The following UBE2E2 variants were observed in gnomAD, a reference collection of about 807,000 sequenced individuals.
UBE2E2 encodes ubiquitin-conjugating enzyme E2 E2.
A neutral mutation model predicts 24.7 loss-of-function variants in UBE2E2; 6 were observed. That is an observed-to-expected ratio of 0.24 (90% CI 0.13 to 0.48). The LOEUF is 0.48. UBE2E2 is among the 20% of genes least tolerant of loss of function. UBE2E2 has a pLI of 0.99. For missense variants in UBE2E2, 169 were observed against 245.0 expected (o/e 0.69, Z 2.07); for synonymous variants, 104 against 83.6 (o/e 1.24, Z -1.33).
chr3:23,248,438 T>C (rs1465732418), intron 3 of UBE2E2, among the ~76,000 whole-genome samples: 4 of 152,250 alleles, frequency 2.6e-5, no homozygotes, highest in Admixed American at 2.6e-4. Flanking sequence ...CACAAAAAAC[T>C]GAGTTCTGCT....
chr3:23,293,432 G>C (rs1698824505), intron 3 of UBE2E2, among the ~76,000 whole-genome samples: 1 of 152,178 alleles, frequency 6.6e-6, no homozygotes, highest in African/African-American at 2.4e-5. Flanking sequence ...GCATAATATT[G>C]TGTCTGGCAT....
chr3:23,449,329 T>C (rs1237275144), intron 3 of UBE2E2, among the ~76,000 whole-genome samples: 1 of 152,216 alleles, frequency 6.6e-6, no homozygotes, highest in Non-Finnish European at 1.5e-5. Context: ...AAACAACAGA[T>C]CTTTGTTTCC....
At chr3:23,447,883 TTTA>T (rs1343787536) in intron 3 of UBE2E2, among the ~76,000 whole-genome samples, 1 of 152,218 alleles carries the variant, frequency 6.6e-6, no homozygotes, top group Admixed American at 6.5e-5. Context: ...CTTCAGAGCC[TTTA>T]TTAACATTCA....
intron 3 of UBE2E2, among the ~76,000 whole-genome samples, chr3:23,255,243 C>A (rs1450676064): frequency 6.6e-6 from 1 of 151,136 alleles, no homozygotes; most frequent in African/African-American, 2.4e-5. Flanking sequence ...ACCACTGTGC[C>A]CCGCTAATTT....
intron 3 of UBE2E2, among the ~76,000 whole-genome samples, chr3:23,246,782 G>A (rs1262960640): frequency 6.6e-6 from 1 of 152,172 alleles, no homozygotes; most frequent in Non-Finnish European, 1.5e-5. Flanking sequence ...GAATATGTGT[G>A]TCTTCCCCAA....
intron 3 of UBE2E2, among the ~76,000 whole-genome samples, chr3:23,369,010 G>C (rs114998255): frequency 1.3e-5 from 2 of 152,124 alleles, no homozygotes; most frequent in African/African-American, 2.4e-5. Context: ...TGAAATGAAC[G>C]AAATTTAGAT....
chr3:23,385,774 T>G (rs148713279), intron 3 of UBE2E2, among the ~76,000 whole-genome samples: 2 of 152,346 alleles, frequency 1.3e-5, no homozygotes, highest in East Asian at 3.9e-4. Flanking sequence ...TTGTACTGGC[T>G]TCTCACAGAT....
intron 3 of UBE2E2, among the ~76,000 whole-genome samples, chr3:23,419,381 G>A (rs951515327): frequency 6.6e-6 from 1 of 152,122 alleles, no homozygotes; most frequent in Non-Finnish European, 1.5e-5. Context: ...CCCTCAATGT[G>A]TACTCTTTGG....
intron 3 of UBE2E2, among the ~76,000 whole-genome samples, chr3:23,450,106 A>G (rs979575823): frequency 6.6e-6 from 1 of 152,224 alleles, no homozygotes; most frequent in Non-Finnish European, 1.5e-5. Flanking sequence ...ATTTCAGAAA[A>G]TGAGATAAAA....
At chr3:23,396,663 C>A (rs1697086152) in intron 3 of UBE2E2, among the ~76,000 whole-genome samples, 1 of 152,008 alleles carries the variant, frequency 6.6e-6, no homozygotes, top group Admixed American at 6.6e-5. Flanking sequence ...GTTACTTAAC[C>A]TTTCTGTCTC....
rs117531550 is a variant in UBE2E2 at position 23,475,788 on chromosome 3, C to A, written c.228-23820C>A. Among the ~76,000 whole-genome samples the A allele has an allele frequency of 1.2e-4, 19 of 152,124 alleles. No individual in the cohort carries two copies. In the East Asian group the frequency reaches 3.3e-3, roughly 26 times the overall value. ...AAAGGGTTTACAGGCTCTATAGAAA[C>A]AATTTAAGACAACCCACCAGAACAG... is the stretch of plus-strand genomic sequence containing the variant. On this transcript the variant is annotated intron_variant, in intron 3 of 5. Coordinates refer to ENST00000396703, the MANE Select transcript of UBE2E2 (RefSeq NM_152653.4).
At chr3:23,535,618 C>CTTT (rs67901258) in intron 5 of UBE2E2, among the ~76,000 whole-genome samples, 1,062 of 85,998 alleles carry the variant, frequency 0.012, 9 homozygotes, top group East Asian at 0.014. Flanking sequence ...ATAGAGCATT[C>CTTT]TTTTTTTTTT....
intron 4 of UBE2E2, among the ~76,000 whole-genome samples, chr3:23,512,713 G>A (rs373942044): frequency 6.6e-6 from 1 of 152,162 alleles, no homozygotes; most frequent in Non-Finnish European, 1.5e-5. Context: ...AGGAGGCCAA[G>A]ACGGCCAGAT....
At chr3:23,352,101 A>C (rs1008550765) in intron 3 of UBE2E2, among the ~76,000 whole-genome samples, 2 of 152,230 alleles carry the variant, frequency 1.3e-5, no homozygotes, top group Non-Finnish European at 2.9e-5. Context: ...GTGCAACTAC[A>C]TGGAAACTGA....
chr3:23,377,653 C>G (rs1696554216), intron 3 of UBE2E2, among the ~76,000 whole-genome samples: 1 of 152,138 alleles, frequency 6.6e-6, no homozygotes, highest in African/African-American at 2.4e-5. Context: ...CTCTGGAATC[C>G]AAGAGTTGTA....
At chr3:23,488,945 G>C (rs1328053882) in intron 3 of UBE2E2, among the ~76,000 whole-genome samples, 1 of 152,194 alleles carries the variant, frequency 6.6e-6, no homozygotes, top group Non-Finnish European at 1.5e-5. Context: ...AGGATGAAAA[G>C]GTTGAAAAAT....
At chr3:23,331,482 G>A (rs1559350154) in intron 3 of UBE2E2, among the ~76,000 whole-genome samples, 2 of 151,466 alleles carry the variant, frequency 1.3e-5, no homozygotes, top group African/African-American at 4.9e-5. Context: ...AGAGCAGAGA[G>A]ATAGCTGTCA....
chr3:23,412,282 A>G (rs1178798135), intron 3 of UBE2E2, among the ~76,000 whole-genome samples: 3 of 152,306 alleles, frequency 2.0e-5, no homozygotes, highest in Admixed American at 1.3e-4. Context: ...TAAAGAAAAG[A>G]TAGTTGTCCT....
At chr3:23,311,468 A>T (rs1454172181) in intron 3 of UBE2E2, among the ~76,000 whole-genome samples, 1 of 152,192 alleles carries the variant, frequency 6.6e-6, no homozygotes, top group Non-Finnish European at 1.5e-5. Flanking sequence ...CAATGGTTGA[A>T]TTAGGAAACA....
Sources: gnomAD v4.1 joint callset for allele counts (sites outside exome capture counted in the v4.1 genomes callset) on GRCh38, gnomAD v4.1.1 for gene constraint, MANE v1.5 for transcripts, NCBI Gene and HGNC (gene_info 2026-07-23, HGNC 2026-07-21) for gene names.